Variants in SNW1 observed in about 807,000 individuals in gnomAD.
The protein encoded by SNW1 is SNW domain-containing protein 1.
SNW1 carries 9 observed loss-of-function variants against 75.6 expected under a neutral mutation model. That is an observed-to-expected ratio of 0.12 (90% CI 0.07 to 0.21). The LOEUF (loss-of-function observed/expected upper bound fraction) is 0.21, where lower values mean the gene tolerates loss of function less well. Ranked by LOEUF, SNW1 falls within the 10% of genes least tolerant of loss-of-function variation. SNW1 has a pLI of 1.00. For synonymous variants in SNW1, 200 were observed against 219.1 expected (o/e 0.91, Z 0.77); for missense variants, 409 against 670.9 (o/e 0.61, Z 4.31).
intron 11 of SNW1, chr14:77,722,799 A>T: frequency 2.4e-6 from 1 of 411,042 alleles, no homozygotes; most frequent in Non-Finnish European, 4.7e-6. Flanking sequence ...CTCTGCTCTA[A>T]AAGGTACAAA....
Position 77,718,421 on chromosome 14 carries a change from T to A in SNW1, c.1358A>T (p.Asn453Ile). The change falls in exon 13 of 14, where the codon AAT becomes ATT. Residue 453 changes from asparagine to isoleucine, a missense_variant. Around this residue, in one of 9 missense-constraint regions of SNW1, gnomAD observed 126 missense variants for 167.6 expected, o/e 0.75. Transcript: ENST00000261531. ...MAQSIYRPSK[N>I]LDKDMYGDDL... The stretch of plus-strand genomic sequence containing the variant: ...ATCACCATACATGTCCTTGTCCAGA[T>A]TTTTACTGGGCCTATAAATACTCTG... 1 of 1,614,094 alleles carries A rather than the reference T, an allele frequency of 6.2e-7. No homozygotes were observed. The highest frequency in any genetic ancestry group is 8.5e-7 in the Non-Finnish European group (1 of 1,179,948).
intron 7 of SNW1, 71 bp from the exon 8 acceptor site, chr14:77,735,083 A>G (rs1458995566): frequency 1.1e-5 from 13 of 1,138,094 alleles, no homozygotes; most frequent in Non-Finnish European, 1.7e-5. Flanking sequence ...TATAATCTTT[A>G]TCTTCAAAGA....
chr14:77,744,446 C>CAAAAAAAAAAAAAAAAAAAAAAAAGGAAA (rs11335115), intron 3 of SNW1, among the ~76,000 whole-genome samples: 1 of 82,964 alleles, frequency 1.2e-5, no homozygotes, highest in African/African-American at 5.1e-5. Flanking sequence ...GTCTCCATCT[C>CAAAAAAAAAAAAAAAAAAAAAAAAGGAAA]AAAAAAAAAA....
intron 3 of SNW1, among the ~76,000 whole-genome samples, chr14:77,741,482 C>G (rs1319444261): frequency 6.6e-6 from 1 of 152,086 alleles, no homozygotes; most frequent in East Asian, 1.9e-4. Flanking sequence ...GCTTGTTTTT[C>G]TCAGGAGTGA....
rs1223635896 is a variant in SNW1 at position 77,738,978 on chromosome 14, T to C, written c.414A>G (p.Glu138=). ...DDPDLQRPDE[E]AIKEITEKTR... ...AATTCCCAGTTACCTCTTTAATAGCTTCTTCATCGGGCCTTTGCAGGTCTG... is the reference window on the plus strand; with the variant it reads ...AATTCCCAGTTACCTCTTTAATAGCCTCTTCATCGGGCCTTTGCAGGTCTG... Residue 138 remains glutamate, a synonymous_variant, in exon 4 of 14, where the codon GAA becomes GAG. Transcript: ENST00000261531. 1 of 1,613,932 alleles carries C rather than the reference T, an allele frequency of 6.2e-7. No individual in the cohort carries two copies. The highest frequency in any genetic ancestry group is 8.5e-7 in the Non-Finnish European group (1 of 1,179,896).
chr14:77,759,218 A>G (rs1367139320), intron 1 of SNW1, among the ~76,000 whole-genome samples: 1 of 152,204 alleles, frequency 6.6e-6, no homozygotes, highest in African/African-American at 2.4e-5. Flanking sequence ...CGCAATACCC[A>G]TGACAGGCCA....
intron 4 of SNW1, 41 bp from the exon 5 acceptor site, chr14:77,738,925 C>A (rs763448793): frequency 6.2e-7 from 1 of 1,609,006 alleles, no homozygotes; most frequent in Non-Finnish European, 8.5e-7. Flanking sequence ...GGAAGTTAAT[C>A]AGGATGTAAA....
chr14:77,723,148 C>A, intron 11 of SNW1, 33 bp downstream of exon 11: 1 of 1,562,856 alleles, frequency 6.4e-7, no homozygotes, highest in Admixed American at 1.7e-5. Flanking sequence ...CGCCCGGCCA[C>A]CATGATTGGT....
intron 1 of SNW1, chr14:77,760,537 C>T: frequency 1.5e-6 from 1 of 645,352 alleles, no homozygotes; most frequent in Non-Finnish European, 2.8e-6. Context: ...GTTCTATCTA[C>T]GGAAGAAATT....
intron 1 of SNW1, among the ~76,000 whole-genome samples, chr14:77,757,951 TATC>T (rs758538551): frequency 0.036 from 4,196 of 116,652 alleles, 75 homozygotes; most frequent in South Asian, 0.065. Flanking sequence ...TCTATCTATC[TATC>T]GCAATCAATC....
chr14:77,747,458 G>A (rs1488158814), intron 3 of SNW1, among the ~76,000 whole-genome samples: 1 of 151,388 alleles, frequency 6.6e-6, no homozygotes, highest in Non-Finnish European at 1.5e-5. Flanking sequence ...CCGCCATCCC[G>A]TCTAGGAAGT....
rs1452802377 is a variant in SNW1, at chr14:77,717,812, C to T, written c.*276G>A. ...CATTAACCCCAAACTACTAGTGTCA[C>T]ATAAAAGTAAGTGGTCTTGACTTTG... On this transcript the variant is annotated 3_prime_UTR_variant, in exon 14 of 14. Transcript: ENST00000261531. 1.7e-6 allele frequency: 1 copy of T among 575,100 alleles called. No individual in the cohort carries two copies. The highest frequency in any genetic ancestry group is 1.9e-5 in the African/African-American group (1 of 53,554). 35.6% of individuals were successfully genotyped at this position (575,100 alleles called of 1,614,324 possible). A position where few individuals can be genotyped will look rare whatever the true frequency, so the allele number is the denominator to read the frequency against.
At chr14:77,760,681 C>T (rs564243588) in intron 1 of SNW1, 1 of 702,346 alleles carries the variant, frequency 1.4e-6, no homozygotes, top group African/African-American at 1.7e-5. Flanking sequence ...ACCCAGTGGA[C>T]AGCGAAAGGA....
Position 77,723,140 on chromosome 14 carries a change from C to T in SNW1, c.1130+41G>A, listed in dbSNP as rs752216435. On this transcript the variant is annotated intron_variant, in intron 11 of 13. Coordinates refer to ENST00000261531, the MANE Select transcript of SNW1 (RefSeq NM_012245.3). ...GGGATTACAGGGGTGAACCACTGCGCCCGGCCACCATGATTGGTACACATC... is the reference window on the plus strand; with the variant it reads ...GGGATTACAGGGGTGAACCACTGCGTCCGGCCACCATGATTGGTACACATC... 6.6e-6 allele frequency: 10 copies of T among 1,522,912 alleles called. No homozygotes were observed. The East Asian group carries it at 1.6e-4, about 24-fold the overall frequency. The allele number at this position is 1,522,912 out of a possible 1,614,324, so 94.3% of individuals were successfully genotyped here. A position where few individuals can be genotyped will look rare whatever the true frequency, so the allele number is the denominator to read the frequency against.
At chr14:77,750,241 TAGAC>T (rs2139928309) in intron 3 of SNW1, among the ~76,000 whole-genome samples, 1 of 152,154 alleles carries the variant, frequency 6.6e-6, no homozygotes, top group African/African-American at 2.4e-5. Flanking sequence ...AGATTAGGCT[TAGAC>T]AGAAGAAGGC....
chr14:77,724,862 T>C (rs1009172956), intron 10 of SNW1, among the ~76,000 whole-genome samples: 1 of 152,228 alleles, frequency 6.6e-6, no homozygotes, highest in African/African-American at 2.4e-5. Context: ...TTTGGATATA[T>C]ACCCAGCAGT....
intron 2 of SNW1, among the ~76,000 whole-genome samples, chr14:77,751,841 CACACCA>C (rs751625233): frequency 8.3e-4 from 100 of 120,946 alleles, no homozygotes; most frequent in African/African-American, 2.9e-3. Context: ...CACACACACA[CACACCA>C]CACACACACA....
intron 1 of SNW1, among the ~76,000 whole-genome samples, chr14:77,757,771 G>A (rs1168709219): frequency 6.6e-6 from 1 of 152,054 alleles, no homozygotes; most frequent in Non-Finnish European, 1.5e-5. Flanking sequence ...CTCACAGCTC[G>A]AGCTCCTTAA....
intron 6 of SNW1, among the ~76,000 whole-genome samples, chr14:77,736,647 A>G (rs1440568676): frequency 6.6e-6 from 1 of 152,230 alleles, no homozygotes; most frequent in Non-Finnish European, 1.5e-5. Flanking sequence ...ATACGATTTG[A>G]TTAAATTTTG....
Sources: gnomAD v4.1 joint callset for allele counts (sites outside exome capture counted in the v4.1 genomes callset) on GRCh38, gnomAD v4.1.1 for gene constraint, gnomAD v4.1.1 regional missense constraint, MANE v1.5 for transcripts, NCBI Gene and HGNC (gene_info 2026-07-23, HGNC 2026-07-21) for gene names.